PTK2: variants seen among roughly 807,000 people sequenced by gnomAD.
PTK2 encodes focal adhesion kinase 1.
In PTK2, 45 loss-of-function variants were observed where a neutral mutation model predicts 150.1. The ratio of observed to expected loss-of-function variants is 0.30; its 90% CI spans 0.24 to 0.38. PTK2 has a LOEUF of 0.38. PTK2 is among the 10% of genes least tolerant of loss of function. PTK2 has a pLI of 1.00. For missense variants in PTK2, 919 were observed against 1,307.3 expected (o/e 0.70, Z 4.58); for synonymous variants, 432 against 449.2 (o/e 0.96, Z 0.48).
intron 14 of PTK2, among the ~76,000 whole-genome samples, chr8:140,782,816 G>A (rs1047543697): frequency 2.6e-5 from 4 of 152,144 alleles, no homozygotes; most frequent in Non-Finnish European, 4.4e-5. Flanking sequence ...GCACACTTCT[G>A]AGAGTTGGAA....
intron 31 of PTK2, among the ~76,000 whole-genome samples, chr8:140,664,707 T>C (rs1387369371): frequency 2.6e-5 from 4 of 152,218 alleles, no homozygotes; most frequent in South Asian, 2.1e-4. Context: ...GGAATTTGAG[T>C]GGCCACTGCT....
intron 27 of PTK2, 149 bp downstream of exon 30, chr8:140,686,483 A>C: frequency 1.3e-6 from 1 of 764,562 alleles, no homozygotes; most frequent in Non-Finnish European, 2.2e-6. Flanking sequence ...TGTACATCAT[A>C]GATTTTCATA....
chr8:140,692,958 C>T (rs1033964980), intron 26 of PTK2, among the ~76,000 whole-genome samples: 5 of 152,060 alleles, frequency 3.3e-5, no homozygotes, highest in Non-Finnish European at 5.9e-5. Flanking sequence ...ATATTTCTTT[C>T]TCAAAACACA....
At chr8:140,710,851 A>G (rs2100036401) in intron 23 of PTK2, among the ~76,000 whole-genome samples, 1 of 152,218 alleles carries the variant, frequency 6.6e-6, no homozygotes, top group South Asian at 2.1e-4. Flanking sequence ...TGATCACACA[A>G]TTGGCATTAA....
chr8:140,937,585 T>TAAAAAAAAAAA (rs35149796), intron 1 of PTK2, among the ~76,000 whole-genome samples: 2 of 130,120 alleles, frequency 1.5e-5, no homozygotes, highest in Admixed American at 7.8e-5. Context: ...AAGTAAACAA[T>TAAAAAAAAAAA]AAAAAAAAAA....
intron 8 of PTK2, among the ~76,000 whole-genome samples, chr8:140,820,076 GTTTTTTTTTT>G (rs370537018): frequency 8.0e-5 from 4 of 50,252 alleles, no homozygotes; most frequent in South Asian, 7.6e-4. Flanking sequence ...TCTGACTTTG[GTTTTTTTTTT>G]TTTTTTTTTT....
At chr8:140,704,084 G>A (rs1306887326) in intron 24 of PTK2, among the ~76,000 whole-genome samples, 1 of 152,178 alleles carries the variant, frequency 6.6e-6, no homozygotes, top group Non-Finnish European at 1.5e-5. Context: ...AATAAAAACT[G>A]CTACTAAATG....
At chr8:140,841,704 A>G (rs1370388150) in intron 7 of PTK2, among the ~76,000 whole-genome samples, 1 of 152,074 alleles carries the variant, frequency 6.6e-6, no homozygotes, top group Non-Finnish European at 1.5e-5. Context: ...AAGATGTGTT[A>G]ACATGACAAA....
intron 22 of PTK2, among the ~76,000 whole-genome samples, chr8:140,719,132 C>G (rs143879068): frequency 6.6e-6 from 1 of 152,018 alleles, no homozygotes; most frequent in African/African-American, 2.4e-5. Context: ...GCTGAGATCA[C>G]GCCACTGTAC....
chr8:140,982,764 A>G (rs1351022333), intron 1 of PTK2, among the ~76,000 whole-genome samples: 1 of 152,252 alleles, frequency 6.6e-6, no homozygotes, highest in African/African-American at 2.4e-5. Flanking sequence ...ATGTTAGCGT[A>G]CGTTTTCAGA....
At chr8:140,980,865 C>T (rs917022744) in intron 1 of PTK2, among the ~76,000 whole-genome samples, 15 of 150,336 alleles carry the variant, frequency 1.0e-4, no homozygotes, top group Non-Finnish European at 2.2e-4. Flanking sequence ...ATTCTCCTGC[C>T]TCAGCCTCCT....
At chr8:140,722,799 A>C (rs564163524) in intron 22 of PTK2, among the ~76,000 whole-genome samples, 1 of 152,294 alleles carries the variant, frequency 6.6e-6, no homozygotes, top group East Asian at 1.9e-4. Flanking sequence ...AAGTCCATAA[A>C]AATCAAGAAA....
intron 14 of PTK2, among the ~76,000 whole-genome samples, chr8:140,785,011 C>CCA (rs1359075182): frequency 6.6e-6 from 1 of 152,122 alleles, no homozygotes; most frequent in Non-Finnish European, 1.5e-5. Context: ...CAAGAGAGAC[C>CCA]CACAAAGAGC....
chr8:140,783,037 G>C (rs2100082775), intron 14 of PTK2, among the ~76,000 whole-genome samples: 1 of 152,092 alleles, frequency 6.6e-6, no homozygotes, highest in Non-Finnish European at 1.5e-5. Context: ...CCAGGAGTTT[G>C]AGACCAGCCT....
chr8:140,988,579 A>T (rs2100194269), intron 1 of PTK2, among the ~76,000 whole-genome samples: 1 of 152,136 alleles, frequency 6.6e-6, no homozygotes, highest in Admixed American at 6.5e-5. Flanking sequence ...AATACAAAAA[A>T]ATAGCAGGGC....
chr8:140,753,520 G>GA (rs1246651075), intron 16 of PTK2, among the ~76,000 whole-genome samples: 3 of 152,196 alleles, frequency 2.0e-5, no homozygotes, highest in African/African-American at 4.8e-5. Context: ...CAAGGGAGAT[G>GA]AGAGAGGTCC....
chr8:140,699,446 T>C (rs779749850), intron 26 of PTK2, among the ~76,000 whole-genome samples: 1 of 152,128 alleles, frequency 6.6e-6, no homozygotes, highest in Non-Finnish European at 1.5e-5. Context: ...CATACAGAGA[T>C]TGCTCTGTCC....
intron 5 of PTK2, among the ~76,000 whole-genome samples, chr8:140,856,487 G>T (rs910348383): frequency 1.3e-5 from 2 of 152,112 alleles, no homozygotes; most frequent in Admixed American, 6.5e-5. Flanking sequence ...GAAAACTACT[G>T]AAATCTCAAA....
intron 1 of PTK2, among the ~76,000 whole-genome samples, chr8:140,933,849 G>A (rs1002425164): frequency 4.6e-5 from 7 of 151,850 alleles, no homozygotes; most frequent in South Asian, 2.1e-4. Context: ...AGAATTATAC[G>A]TCAATTTAAA....
Sources: allele counts gnomAD v4.1 joint callset (sites outside exome capture counted in the v4.1 genomes callset), GRCh38; gene constraint gnomAD v4.1.1; transcripts MANE v1.5; gene names NCBI Gene and HGNC (gene_info 2026-07-23, HGNC 2026-07-21).